The following RFX2 variants were observed in gnomAD, a reference collection of about 807,000 sequenced individuals.
RFX2 encodes regulatory factor X2, also known as DNA-binding protein RFX2.
RFX2 carries 20 observed loss-of-function variants against 87.8 expected under a neutral mutation model. The ratio of observed to expected loss-of-function variants is 0.23; its 90% confidence interval spans 0.16 to 0.33. RFX2 has a LOEUF of 0.33. Among genes scored for constraint, RFX2 ranks in the 10% least tolerant of loss-of-function variants. The pLI is 1.00. For missense variants in RFX2, 767 were observed against 1,012.3 expected (o/e 0.76, Z 3.29); for synonymous variants, 397 against 431.3 (o/e 0.92, Z 0.98).
intron 1 of RFX2, among the ~76,000 whole-genome samples, chr19:6,070,058 GGGATGGGATGGGATGT>G (rs2087575177): frequency 4.8e-3 from 9 of 1,884 alleles, no homozygotes; most frequent in South Asian, 0.013. Context: ...GGGATGGGAT[GGGATGGGATGGGATGT>G]GGATGGGATG....
At position 6,010,317 on chromosome 19, in the gene RFX2, G is replaced by C; in HGVS notation, c.900-66C>G. On this transcript the variant is annotated intron_variant, in intron 8 of 17. Transcript: ENST00000303657. The surrounding 1 kb of genome is among the most constrained non-coding windows in gnomAD (Gnocchi z 5.0). Reference sequence around the variant, plus strand: ...CCTGCTGCGGGTGGGCCCAAAGACTGGGGGGCTGGGCAGGATTCAGTCAGG... The same window carrying C: ...CCTGCTGCGGGTGGGCCCAAAGACTCGGGGGCTGGGCAGGATTCAGTCAGG... 1.9e-6 allele frequency: 2 copies of C among 1,060,200 alleles called. No individual in the cohort carries two copies. The highest frequency in any genetic ancestry group is 2.0e-5 in the Admixed American group (1 of 49,668). The allele number at this position is 1,060,200 out of a possible 1,614,324, so 65.7% of individuals were successfully genotyped here. A position where few individuals can be genotyped will look rare whatever the true frequency, so the allele number is the denominator to read the frequency against.
At chr19:6,084,977 A>T (rs1257201836) in intron 1 of RFX2, among the ~76,000 whole-genome samples, 1 of 152,160 alleles carries the variant, frequency 6.6e-6, no homozygotes, top group African/African-American at 2.4e-5. Flanking sequence ...ACTGAGCATG[A>T]TGTCCTTAAG....
At chr19:6,095,125 A>C (rs1490288473) in intron 1 of RFX2, among the ~76,000 whole-genome samples, 1 of 152,194 alleles carries the variant, frequency 6.6e-6, no homozygotes, top group African/African-American at 2.4e-5. Context: ...TAAATAAATA[A>C]ATAAAAACAA....
Position 6,039,636 on chromosome 19 carries a change from A to G in RFX2, c.522+344T>C, listed in dbSNP as rs1462514025. The stretch of plus-strand genomic sequence containing the variant: ...CATGGATGGATTGATCCACGCCTCT[A>G]AAAGCTTGATAGTAACAACGATAAC... On this transcript the variant is annotated intron_variant, in intron 5 of 17. Transcript: ENST00000303657. The surrounding 1 kb of genome is among the most constrained non-coding windows in gnomAD (Gnocchi z 5.2). Among the ~76,000 whole-genome samples, 1 of 152,224 alleles carries G rather than the reference A, an allele frequency of 6.6e-6. No homozygotes were observed. The highest frequency in any genetic ancestry group is 1.5e-5 in the Non-Finnish European group (1 of 68,032).
chr19:6,074,352 G>A lies in RFX2; in HGVS notation c.-8-26848C>T, dbSNP rs2087654899. On this transcript the variant is annotated intron_variant, in intron 1 of 17. Coordinates refer to ENST00000303657, the MANE Select transcript of RFX2 (RefSeq NM_000635.4). This position sits in a 1 kb window ranked among gnomAD's most constrained non-coding sequence, Gnocchi z 5.2. ...CTCAAGTCAACGAGAAGAGAAGGTG[G>A]GCTAGAACCTTTCCACCTTCCTCTT... Among the ~76,000 whole-genome samples, 1 of 152,176 alleles carries A rather than the reference G, an allele frequency of 6.6e-6. No individual in the cohort carries two copies. Among genetic ancestry groups the A allele is most frequent in the Admixed American group, 6.5e-5 (1 of 15,284 alleles).
intron 1 of RFX2, among the ~76,000 whole-genome samples, chr19:6,075,259 G>A (rs1438613370): frequency 3.3e-5 from 5 of 151,974 alleles, no homozygotes; most frequent in Non-Finnish European, 7.4e-5. Flanking sequence ...GGAGAAAGAA[G>A]AGGAGGAGAA....
chr19:6,021,147 T>TA lies in RFX2; in HGVS notation c.598-4877dup, dbSNP rs1209298043. 6.6e-6 allele frequency among the ~76,000 whole-genome samples: 1 copy of TA among 152,182 alleles called. No individual in the cohort carries two copies. The highest frequency in any genetic ancestry group is 1.9e-4 in the East Asian group (1 of 5,186). ...CTGACACTGGCTCCTGGTGGTGAGT[T>TA]AGAGTCTCACCGGGCCATACACTAG... On this transcript the variant is annotated intron_variant, in intron 6 of 17. Coordinates refer to ENST00000303657, the MANE Select transcript of RFX2 (RefSeq NM_000635.4). This position sits in a 1 kb window ranked among gnomAD's most constrained non-coding sequence, Gnocchi z 5.7.
Position 5,994,514 on chromosome 19 carries a change from G to T in RFX2, c.*321C>A. 1 of 335,650 alleles carries T rather than the reference G, an allele frequency of 3.0e-6. No individual in the cohort carries two copies. The highest frequency in any genetic ancestry group is 5.6e-6 in the Non-Finnish European group (1 of 179,756). The allele number at this position is 335,650 out of a possible 1,614,324, so 20.8% of individuals were successfully genotyped here. On this transcript the variant is annotated 3_prime_UTR_variant, in exon 18 of 18. Coordinates refer to ENST00000303657, the MANE Select transcript of RFX2 (RefSeq NM_000635.4). ...AGCACAGCCCTTTCAGCTCTTAAAG[G>T]GACTGGGGCCAAAGTCCAGGGTTCC...
rs533987925 is a variant in RFX2 at position 6,020,101 on chromosome 19, T to C, written c.598-3830A>G. On this transcript the variant is annotated intron_variant, in intron 6 of 17. Coordinates refer to ENST00000303657, the MANE Select transcript of RFX2 (RefSeq NM_000635.4). The surrounding 1 kb of genome is among the most constrained non-coding windows in gnomAD (Gnocchi z 5.3). ...CACATCTCAAGGAGCCAAATGACGA[T>C]GCGGATTTTCAGGCTAAAACTGTGA... 5 of 152,244 alleles carry C rather than the reference T, an allele frequency of 3.3e-5. No individual in the cohort carries two copies. Among genetic ancestry groups the C allele is most frequent in the African/African-American group, 1.2e-4 (5 of 41,420 alleles). The allele number at this position is 152,244 out of a possible 1,614,324, so 9.4% of individuals were successfully genotyped here.
At chr19:6,104,563 C>T (rs1327457719) in intron 1 of RFX2, among the ~76,000 whole-genome samples, 1 of 134,330 alleles carries the variant, frequency 7.4e-6, no homozygotes, top group Non-Finnish European at 1.5e-5. Flanking sequence ...AGTGAGACTC[C>T]ATCTCAAAAA....
intron 17 of RFX2, among the ~76,000 whole-genome samples, 190 bp downstream of exon 17, chr19:5,995,411 C>A (rs911399795): frequency 6.6e-6 from 1 of 152,288 alleles, no homozygotes. Flanking sequence ...GAGCCCCAGC[C>A]GAGCCAGTCT....
At position 6,021,536 on chromosome 19, in the gene RFX2, C is replaced by A. The variant is rs929346415; in HGVS notation, c.597+4627G>T. Among the ~76,000 whole-genome samples, 3 of 152,174 alleles carry A rather than the reference C, an allele frequency of 2.0e-5. No individual in the cohort carries two copies. The South Asian group carries it at 6.2e-4, about 32-fold the overall frequency. On this transcript the variant is annotated intron_variant, in intron 6 of 17. Coordinates refer to ENST00000303657, the MANE Select transcript of RFX2 (RefSeq NM_000635.4). This position sits in a 1 kb window ranked among gnomAD's most constrained non-coding sequence, Gnocchi z 5.7. ...TGGGGTGGGGGTGTCAGGCAGGGCT[C>A]ACTGAGAAAGTGCCCACTGAGTGAA... is the stretch of plus-strand genomic sequence containing the variant.
At chr19:6,041,940 C>T (rs1272784267) in intron 4 of RFX2, 104 bp downstream of exon 4, 5 of 872,992 alleles carry the variant, frequency 5.7e-6, no homozygotes, top group South Asian at 2.7e-5. Context: ...GTGAACACAT[C>T]GCCAAAAGCA....
chr19:6,093,140 G>C (rs923243666), intron 1 of RFX2, among the ~76,000 whole-genome samples: 8 of 152,200 alleles, frequency 5.3e-5, no homozygotes, highest in African/African-American at 1.9e-4. Context: ...TCCCTGCCGC[G>C]AGTGGGCAAA....
Position 6,031,423 on chromosome 19 carries a change from CTTTTTTTTTT to C in RFX2, c.523-5196_523-5187del, listed in dbSNP as rs58834364. Among the ~76,000 whole-genome samples, 59 of 90,220 alleles carry C rather than the reference CTTTTTTTTTT, an allele frequency of 6.5e-4. No individual in the cohort carries two copies. In the East Asian group the frequency reaches 0.013, roughly 19 times the overall value. The allele number at this position is 90,220 out of a possible 152,430, so 59.2% of individuals were successfully genotyped here. On this transcript the variant is annotated intron_variant, in intron 5 of 17. Coordinates refer to ENST00000303657, the MANE Select transcript of RFX2 (RefSeq NM_000635.4). ...TATTTCCTTTCTTTCTTCTCCTTCCCTTTTTTTTTTTTTTTTTTTTTTTTGAGATCGAGTC... is the reference window on the plus strand; with the variant it reads ...TATTTCCTTTCTTTCTTCTCCTTCCCTTTTTTTTTTTTTTGAGATCGAGTC...
At chr19:6,015,419 G>A (rs1310476835) in intron 7 of RFX2, among the ~76,000 whole-genome samples, 2 of 151,484 alleles carry the variant, frequency 1.3e-5, no homozygotes, top group East Asian at 3.9e-4. Flanking sequence ...ACAGAGCAAG[G>A]CTGTGTCTCA....
At chr19:6,076,441 C>T (rs1239896868) in intron 1 of RFX2, among the ~76,000 whole-genome samples, 2 of 152,156 alleles carry the variant, frequency 1.3e-5, no homozygotes, top group Admixed American at 6.5e-5. Flanking sequence ...GGAGGCTAGG[C>T]GAGGGTGCCT....
intron 16 of RFX2, among the ~76,000 whole-genome samples, chr19:5,995,981 G>T (rs1001261777): frequency 6.6e-6 from 1 of 152,208 alleles, no homozygotes; most frequent in African/African-American, 2.4e-5. Flanking sequence ...TTTGCTCCCT[G>T]AAGTCTGTAC....
chr19:5,994,996 G>A (rs376788481), intron 17 of RFX2, 46 bp from the exon 18 acceptor site: 35 of 1,431,318 alleles, frequency 2.4e-5, no homozygotes, highest in South Asian at 1.5e-4. Flanking sequence ...AGGAGGGCAC[G>A]AGAGGGAGAG....
Sources: allele counts gnomAD v4.1 joint callset (sites outside exome capture counted in the v4.1 genomes callset), GRCh38; gene constraint gnomAD v4.1.1; non-coding constraint Gnocchi (gnomAD v3.1); transcripts MANE v1.5; gene names NCBI Gene and HGNC (gene_info 2026-07-23, HGNC 2026-07-21).